NIPBL: variants seen among roughly 807,000 people sequenced by gnomAD.
NIPBL encodes nipped-B-like protein.
In NIPBL, 19 loss-of-function variants were observed where a neutral mutation model predicts 321.8. The observed-to-expected ratio is 0.06, with a 90% CI of 0.04 to 0.09. The LOEUF (loss-of-function observed/expected upper bound fraction) is 0.09. Ranked by LOEUF, NIPBL falls within the 10% of genes least tolerant of loss-of-function variation. The pLI is 1.00. For synonymous variants in NIPBL, 1,106 were observed against 1,114.1 expected (o/e 0.99, Z 0.14); for missense variants, 2,210 against 3,327.0 (o/e 0.66, Z 8.26).
chr5:36,983,257 G>A (rs1056509951), intron 9 of NIPBL, among the ~76,000 whole-genome samples: 1 of 151,816 alleles, frequency 6.6e-6, no homozygotes, highest in African/African-American at 2.4e-5. Flanking sequence ...AGCATGTGTG[G>A]TGATAGATTT....
chr5:36,985,134 A>G lies in NIPBL; in HGVS notation c.1954A>G (p.Lys652Glu). The G allele has an allele frequency of 6.2e-7, 1 of 1,613,992 alleles. No individual in the cohort carries two copies. The highest frequency in any genetic ancestry group is 8.5e-7 in the Non-Finnish European group (1 of 1,179,960). Reference sequence around the variant, plus strand: ...AGTTGAGACCCAAACAGAAGAACTTAAACAGAATGAGAGCAGAACAACTGA... The same window carrying G: ...AGTTGAGACCCAAACAGAAGAACTTGAACAGAATGAGAGCAGAACAACTGA... Reference protein sequence around the residue: ...TKVETQTEELKQNESRTTECK... With the variant: ...TKVETQTEELEQNESRTTECK... Residue 652 changes from lysine to glutamate, a missense_variant, in exon 10 of 47, where the codon AAA (lysine) becomes GAA (glutamate). Transcript: ENST00000282516.
intron 24 of NIPBL, among the ~76,000 whole-genome samples, chr5:37,017,769 A>AT (rs886381889): frequency 6.6e-5 from 10 of 150,488 alleles, no homozygotes; most frequent in African/African-American, 2.4e-4. Context: ...AATGCCTCTA[A>AT]TTTTTTTTTA....
At chr5:36,880,345 TAA>T (rs1745410168) in intron 1 of NIPBL, among the ~76,000 whole-genome samples, 1 of 152,054 alleles carries the variant, frequency 6.6e-6, no homozygotes, top group African/African-American at 2.4e-5. Context: ...ATTAATAATA[TAA>T]GAGTAAATAA....
intron 20 of NIPBL, 94 bp from the exon 21 acceptor site, chr5:37,009,993 T>C (rs1747915282): frequency 3.1e-6 from 3 of 963,368 alleles, no homozygotes; most frequent in Admixed American, 3.8e-5. Flanking sequence ...CTAGAAATAT[T>C]GGCAAACACA....
chr5:36,920,537 A>G (rs1748851159), intron 1 of NIPBL, among the ~76,000 whole-genome samples: 1 of 152,216 alleles, frequency 6.6e-6, no homozygotes, highest in Non-Finnish European at 1.5e-5. Flanking sequence ...AAGCACTAAT[A>G]TAGAACAAGA....
At chr5:37,003,153 A>G (rs1391151159) in intron 15 of NIPBL, 108 bp from the exon 16 acceptor site, 3 of 724,418 alleles carry the variant, frequency 4.1e-6, no homozygotes, top group East Asian at 5.1e-5. Context: ...TAAGAGGGTG[A>G]CAATGCTATT....
chr5:37,007,226 A>T, intron 17 of NIPBL, 97 bp from the exon 18 acceptor site: 5 of 1,029,932 alleles, frequency 4.9e-6, no homozygotes, highest in South Asian at 4.2e-5. Flanking sequence ...GTAGCTAGAA[A>T]ATTGTGTTCT....
At position 37,026,246 on chromosome 5, in the gene NIPBL, A is replaced by G; in HGVS notation, c.5727A>G (p.Thr1909=). ...CCTTCTAGAAATTAGTAAATGAAAC[A>G]TTCCAGAAACTCTGGTTTACTCCAA... ...EEGIKKLVNE[T]FQKLWFTPTP... is the part of the protein sequence containing the mutation. The change falls in exon 31 of 47, where the codon ACA becomes ACG. Residue 1909 remains threonine, a synonymous_variant. Coordinates refer to ENST00000282516, the MANE Select transcript of NIPBL (RefSeq NM_133433.4). 6.2e-7 allele frequency: 1 copy of G among 1,606,224 alleles called. No homozygotes were observed. The highest frequency in any genetic ancestry group is 8.5e-7 in the Non-Finnish European group (1 of 1,173,306).
chr5:37,040,296 A>C (rs537722079), intron 34 of NIPBL, among the ~76,000 whole-genome samples: 23 of 152,272 alleles, frequency 1.5e-4, no homozygotes, highest in African/African-American at 5.5e-4. Context: ...TATCTCATAC[A>C]TGGTAAACTT....
intron 6 of NIPBL, among the ~76,000 whole-genome samples, chr5:36,968,584 G>A (rs1159893339): frequency 6.6e-6 from 1 of 151,960 alleles, no homozygotes; most frequent in African/African-American, 2.4e-5. Context: ...CATTAAGCTG[G>A]GTGTGATGGT....
At position 37,002,683 on chromosome 5, in the gene NIPBL, A is replaced by C; in HGVS notation, c.3686A>C (p.Gln1229Pro). ...TAFGDDDEIPQELLLGKHQLN... is the reference protein window; with the variant it reads ...TAFGDDDEIPPELLLGKHQLN... The stretch of plus-strand genomic sequence containing the variant: ...GCAGGTGATGATGATGAAATTCCTC[A>C]GGAACTGCTCTTAGGAAAACATCAG... Residue 1229 changes from glutamine to proline, a missense_variant, in exon 15 of 47, where the codon CAG becomes CCG. This residue lies in a region of NIPBL where 381 missense variants were observed against 642.3 expected (regional missense o/e 0.59). Transcript: ENST00000282516. 6.2e-7 allele frequency: 1 copy of C among 1,611,970 alleles called. No homozygotes were observed. Among genetic ancestry groups the C allele is most frequent in the Non-Finnish European group, 8.5e-7 (1 of 1,178,322 alleles).
intron 1 of NIPBL, among the ~76,000 whole-genome samples, chr5:36,898,542 G>A (rs1240152815): frequency 7.3e-6 from 1 of 137,382 alleles, no homozygotes; most frequent in South Asian, 2.2e-4. Flanking sequence ...ACGGAGTTTC[G>A]CTGTCATTGC....
intron 16 of NIPBL, among the ~76,000 whole-genome samples, chr5:37,005,042 T>C (rs553848352): frequency 3.0e-4 from 46 of 152,222 alleles, no homozygotes; most frequent in African/African-American, 1.1e-3. Flanking sequence ...CCAACACAAA[T>C]TCGTAAACTT....
intron 32 of NIPBL, among the ~76,000 whole-genome samples, chr5:37,033,664 A>G (rs1751326402): frequency 7.0e-6 from 1 of 142,924 alleles, no homozygotes; most frequent in Non-Finnish European, 1.5e-5. Flanking sequence ...TTTTAATTAC[A>G]TATGTGTGTG....
At chr5:37,060,680 G>C in intron 44 of NIPBL, among the ~76,000 whole-genome samples, 164 bp from the exon 45 acceptor site, 1 of 152,086 alleles carries the variant, frequency 6.6e-6, no homozygotes, top group African/African-American at 2.4e-5. Flanking sequence ...CCAGTTAGGT[G>C]GTATTAAGTA....
rs587783958 is a variant in NIPBL at position 37,016,167 on chromosome 5, G to C, written c.4773G>C (p.Leu1591=). Residue 1591 remains leucine (L), a synonymous_variant, in exon 23 of 47, where the codon CTG becomes CTC. Coordinates refer to ENST00000282516, the MANE Select transcript of NIPBL (RefSeq NM_133433.4). The part of the protein sequence containing the change: ...AELLLSLLGR[L]LVHQFSNKST... The stretch of plus-strand genomic sequence containing the variant: ...TACTCCTTAGTTTGTTAGGGAGACT[G>C]TTGGTAAGAGTATAGCATTTAAAGA... 2 of 1,613,590 alleles carry C rather than the reference G, an allele frequency of 1.2e-6. No homozygotes were observed. The highest frequency in any genetic ancestry group is 1.7e-5 in the Admixed American group (1 of 60,024).
chr5:36,980,024 C>CT (rs1395960712), intron 9 of NIPBL, among the ~76,000 whole-genome samples: 3 of 151,316 alleles, frequency 2.0e-5, no homozygotes, highest in East Asian at 1.9e-4. Context: ...GAATGGTGAC[C>CT]TTTTTTTTAT....
intron 46 of NIPBL, 103 bp from the exon 47 acceptor site, chr5:37,064,424 C>T: frequency 6.4e-7 from 1 of 1,568,206 alleles, no homozygotes; most frequent in East Asian, 2.3e-5. Context: ...GCCGGGAAAT[C>T]CCAACTCCCG....
intron 27 of NIPBL, among the ~76,000 whole-genome samples, chr5:37,021,451 G>A (rs1415785559): frequency 6.6e-6 from 1 of 152,162 alleles, no homozygotes; most frequent in Non-Finnish European, 1.5e-5. Context: ...GGGAAGCCAA[G>A]GCGGGCAGAT....
Sources: gnomAD v4.1 joint callset for allele counts (sites outside exome capture counted in the v4.1 genomes callset) on GRCh38, gnomAD v4.1.1 for gene constraint, gnomAD v4.1.1 regional missense constraint, MANE v1.5 for transcripts, NCBI Gene and HGNC (gene_info 2026-07-23, HGNC 2026-07-21) for gene names.